CSRNP3: variants seen among roughly 807,000 people sequenced by gnomAD.
CSRNP3 encodes the protein cysteine and serine rich nuclear protein 3.
A neutral mutation model predicts 48.0 loss-of-function variants in CSRNP3; 12 were observed. The observed-to-expected ratio is 0.25, with a 90% CI of 0.16 to 0.41. CSRNP3 has a LOEUF of 0.41. CSRNP3 is among the 10% of genes least tolerant of loss of function. The pLI, the probability that CSRNP3 is intolerant of heterozygous loss-of-function variation, is 1.00. For missense variants in CSRNP3, 580 were observed against 724.4 expected, an observed-to-expected ratio of 0.80 and a Z score of 2.29; for synonymous variants, 263 against 269.7, an observed-to-expected ratio of 0.98 and a Z score of 0.24.
Position 165,561,709 on chromosome 2 carries a change from T to A in CSRNP3, c.-23-33334T>A, listed in dbSNP as rs185054892. Among the ~76,000 whole-genome samples, 301 of 152,274 alleles carry A rather than the reference T, an allele frequency of 2.0e-3. 1 individual carries two copies. Among genetic ancestry groups the A allele is most frequent in the African/African-American group, 7.0e-3 (289 of 41,572 alleles). On this transcript the variant is annotated intron_variant, in intron 3 of 6. Transcript: ENST00000651982. ...CCACAACAAGCTGAAATTTTAATATTTGCTACCCCACAGTATGTTCTTTCT... is the reference window on the plus strand; with the variant it reads ...CCACAACAAGCTGAAATTTTAATATATGCTACCCCACAGTATGTTCTTTCT...
chr2:165,510,488 G>A (rs1168629010), intron 2 of CSRNP3, among the ~76,000 whole-genome samples: 4 of 151,992 alleles, frequency 2.6e-5, no homozygotes, highest in Non-Finnish European at 5.9e-5. Flanking sequence ...CTTTTGACAT[G>A]CCCTGGTCTA....
At chr2:165,528,818 G>T (rs1449932109) in intron 3 of CSRNP3, among the ~76,000 whole-genome samples, 1 of 152,196 alleles carries the variant, frequency 6.6e-6, no homozygotes, top group Non-Finnish European at 1.5e-5. Flanking sequence ...CAGCAGGGAG[G>T]TGCAGCTGGG....
At chr2:165,484,706 C>T (rs1684090023) in intron 1 of CSRNP3, among the ~76,000 whole-genome samples, 1 of 152,186 alleles carries the variant, frequency 6.6e-6, no homozygotes, top group African/African-American at 2.4e-5. Context: ...TCCCTTCCCA[C>T]CTATTACTGC....
At chr2:165,537,380 G>A (rs1053433239) in intron 3 of CSRNP3, among the ~76,000 whole-genome samples, 5 of 149,168 alleles carry the variant, frequency 3.4e-5, no homozygotes, top group African/African-American at 9.9e-5. Context: ...AGCCCTTAAC[G>A]CCAGGAACCT....
At chr2:165,580,511 A>C (rs1452278322) in intron 3 of CSRNP3, among the ~76,000 whole-genome samples, 1 of 151,866 alleles carries the variant, frequency 6.6e-6, no homozygotes, top group Admixed American at 6.6e-5. Context: ...AATTTTAAAA[A>C]TCTCCTTTAT....
At chr2:165,635,637 T>C (rs1686615143) in intron 4 of CSRNP3, among the ~76,000 whole-genome samples, 1 of 152,204 alleles carries the variant, frequency 6.6e-6, no homozygotes, top group African/African-American at 2.4e-5. Flanking sequence ...TGTTTTCATA[T>C]GATATAATAT....
chr2:165,506,288 C>T (rs1358792575), intron 2 of CSRNP3, among the ~76,000 whole-genome samples: 1 of 152,184 alleles, frequency 6.6e-6, no homozygotes, highest in Non-Finnish European at 1.5e-5. Context: ...CATTTGTGCT[C>T]AGATAGGATC....
intron 4 of CSRNP3, among the ~76,000 whole-genome samples, chr2:165,654,992 A>C (rs762740717): frequency 4.6e-5 from 7 of 152,214 alleles, no homozygotes; most frequent in Non-Finnish European, 1.0e-4. Flanking sequence ...GTAGGCTCTC[A>C]ATTTGTACTT....
chr2:165,670,838 C>A (rs1159716211), intron 5 of CSRNP3, among the ~76,000 whole-genome samples: 1 of 89,120 alleles, frequency 1.1e-5, no homozygotes, highest in Non-Finnish European at 2.8e-5. Context: ...TTGGTAATCT[C>A]TTTAAATCAC....
intron 6 of CSRNP3, among the ~76,000 whole-genome samples, chr2:165,677,895 C>T (rs144654107): frequency 3.0e-4 from 46 of 152,304 alleles, no homozygotes; most frequent in East Asian, 2.7e-3. Context: ...ACTCTATCTT[C>T]GGTATCCAAT....
At chr2:165,507,926 T>C (rs1684450476) in intron 2 of CSRNP3, among the ~76,000 whole-genome samples, 2 of 151,988 alleles carry the variant, frequency 1.3e-5, no homozygotes, top group African/African-American at 4.8e-5. Flanking sequence ...TAGCAACCAT[T>C]CAAGAGCTTA....
At chr2:165,506,809 T>A (rs1201762229) in intron 2 of CSRNP3, among the ~76,000 whole-genome samples, 1 of 152,180 alleles carries the variant, frequency 6.6e-6, no homozygotes. Flanking sequence ...CTGGGCCGCA[T>A]ACTCTTCACT....
intron 4 of CSRNP3, among the ~76,000 whole-genome samples, chr2:165,598,257 T>C (rs188808825): frequency 2.0e-4 from 30 of 152,226 alleles, no homozygotes; most frequent in African/African-American, 7.2e-4. Context: ...CTTTTGGCAA[T>C]ATGTACAATG....
chr2:165,576,573 AAG>A (rs1444702618), intron 3 of CSRNP3, among the ~76,000 whole-genome samples: 1 of 152,078 alleles, frequency 6.6e-6, no homozygotes, highest in Non-Finnish European at 1.5e-5. Flanking sequence ...TGTGAGCCAC[AAG>A]AGAGCTATAT....
At chr2:165,660,713 C>G (rs1049173004) in intron 5 of CSRNP3, among the ~76,000 whole-genome samples, 8 of 152,294 alleles carry the variant, frequency 5.3e-5, no homozygotes, top group African/African-American at 1.9e-4. Flanking sequence ...AAAGACCACT[C>G]TATTACTAAT....
At chr2:165,565,389 A>G (rs1413089363) in intron 3 of CSRNP3, among the ~76,000 whole-genome samples, 1 of 152,110 alleles carries the variant, frequency 6.6e-6, no homozygotes, top group African/African-American at 2.4e-5. Flanking sequence ...TAAAGGTGTG[A>G]AAAGAATATC....
Position 165,470,761 on chromosome 2 carries a change from C to T in CSRNP3, c.-283+1021C>T, listed in dbSNP as rs1683883612. Reference sequence around the variant, plus strand: ...TAATTCATAAATACAGGTCATTTAACGGTGGTAGAACCTCATTAAAATTGA... The same window carrying T: ...TAATTCATAAATACAGGTCATTTAATGGTGGTAGAACCTCATTAAAATTGA... On this transcript the variant is annotated intron_variant, in intron 1 of 6. Coordinates refer to ENST00000651982, the MANE Select transcript of CSRNP3 (RefSeq NM_001172173.2). Among the ~76,000 whole-genome samples the T allele has an allele frequency of 2.6e-5, 4 of 152,022 alleles. No homozygotes were observed. The South Asian group carries it at 6.2e-4, about 24-fold the overall frequency.
At chr2:165,629,868 C>CATTG (rs1686502849) in intron 4 of CSRNP3, among the ~76,000 whole-genome samples, 1 of 152,116 alleles carries the variant, frequency 6.6e-6, no homozygotes, top group East Asian at 1.9e-4. Flanking sequence ...CTCTACCTTT[C>CATTG]ATTGATTCCC....
intron 5 of CSRNP3, among the ~76,000 whole-genome samples, chr2:165,674,482 A>G (rs1027547568): frequency 1.3e-5 from 2 of 151,856 alleles, no homozygotes; most frequent in Non-Finnish European, 2.9e-5. Flanking sequence ...AGTGGCTATC[A>G]CAGTTTAAAC....
Sources: gnomAD v4.1 joint callset for allele counts (sites outside exome capture counted in the v4.1 genomes callset) on GRCh38, gnomAD v4.1.1 for gene constraint, MANE v1.5 for transcripts, NCBI Gene and HGNC (gene_info 2026-07-23, HGNC 2026-07-21) for gene names.